CAPN8: variants seen among roughly 807,000 people sequenced by gnomAD.
CAPN8 encodes the protein calpain-8.
A neutral mutation model predicts 80.9 loss-of-function variants in CAPN8; 87 were observed. The ratio of observed to expected loss-of-function variants is 1.07; its 90% CI spans 0.90 to 1.28. The LOEUF is 1.28. Among genes scored for constraint, CAPN8 ranks in the 50% most tolerant of loss-of-function variants. CAPN8 has a pLI of 0.00. For missense variants in CAPN8, 757 were observed against 702.0 expected, an observed-to-expected ratio of 1.08 and a Z score of -0.89; for synonymous variants, 299 against 273.8, an observed-to-expected ratio of 1.09 and a Z score of -0.91.
intron 2 of CAPN8, among the ~76,000 whole-genome samples, chr1:223,635,487 T>A (rs1343429899): frequency 6.6e-6 from 1 of 152,260 alleles, no homozygotes; most frequent in Non-Finnish European, 1.5e-5. Context: ...CTGGCTAGAC[T>A]TGGAAGCTGC....
chr1:223,614,110 T>G (rs181386096), intron 10 of CAPN8, among the ~76,000 whole-genome samples: 1 of 152,322 alleles, frequency 6.6e-6, no homozygotes, highest in African/African-American at 2.4e-5. Context: ...TTATATAAGG[T>G]AGGCCTGGCT....
intron 7 of CAPN8, among the ~76,000 whole-genome samples, chr1:223,620,635 G>A (rs912177287): frequency 6.6e-6 from 1 of 152,126 alleles, no homozygotes. Context: ...TCTCGTCACT[G>A]GAAAGGCAGG....
intron 5 of CAPN8, 36 bp downstream of exon 5, chr1:223,626,953 G>A: frequency 1.3e-6 from 2 of 1,541,704 alleles, no homozygotes; most frequent in Non-Finnish European, 1.8e-6. Flanking sequence ...GTGGCGGTGG[G>A]GGGAGGTGGG....
intron 13 of CAPN8, among the ~76,000 whole-genome samples, chr1:223,555,582 T>C (rs1409463994): frequency 6.6e-6 from 1 of 152,234 alleles, no homozygotes; most frequent in Non-Finnish European, 1.5e-5. Context: ...TAATACAGTA[T>C]GCCAAAATCT....
At chr1:223,653,268 T>A (rs1258889015) in intron 2 of CAPN8, among the ~76,000 whole-genome samples, 5 of 151,388 alleles carry the variant, frequency 3.3e-5, no homozygotes, top group Non-Finnish European at 7.4e-5. Context: ...TCCCGCTGCT[T>A]GATCGTCACG....
At chr1:223,552,638 C>G in intron 14 of CAPN8, among the ~76,000 whole-genome samples, 1 of 151,670 alleles carries the variant, frequency 6.6e-6, no homozygotes, top group East Asian at 1.9e-4. Context: ...CATTAGCCTG[C>G]CAGGAAAGAA....
intron 1 of CAPN8, among the ~76,000 whole-genome samples, chr1:223,658,831 C>A (rs1658563906): frequency 6.6e-6 from 1 of 151,904 alleles, no homozygotes. Flanking sequence ...AAAGAAAATC[C>A]CCAGCTTTGC....
chr1:223,627,036 T>C lies in CAPN8; in HGVS notation c.682A>G (p.Ile228Val). 6.4e-7 allele frequency: 1 copy of C among 1,551,982 alleles called. No homozygotes were observed. Among genetic ancestry groups the C allele is most frequent in the Non-Finnish European group, 8.7e-7 (1 of 1,147,052 alleles). Residue 228 changes from isoleucine to valine, a missense_variant, in exon 5 of 21, where the codon ATC becomes GTC. Ile to Val is a conservative substitution (Grantham distance 29). Transcript: ENST00000366872. ...GACCCCGCACAGAGGGCCTTCCGGA[T>C]GATCTGATATAGATTGGCTGGTGGT... ...KKPPANLYQI[I>V]RKALCAGSLL...
rs750494639 is a variant in CAPN8, at chr1:223,551,020, A to G, written c.1642-3T>C. 1.4e-6 allele frequency: 1 copy of G among 718,092 alleles called. No individual in the cohort carries two copies. The highest frequency in any genetic ancestry group is 1.5e-5 in the South Asian group (1 of 67,524). The allele number at this position is 718,092 out of a possible 1,614,324, so 44.5% of individuals were successfully genotyped here. A position where few individuals can be genotyped will look rare whatever the true frequency, so the allele number is the denominator to read the frequency against. On this transcript the variant is annotated splice_polypyrimidine_tract_variant and splice_region_variant and intron_variant, in intron 14 of 20. Transcript: ENST00000366872. ...GCATTGGCAGTAATCTCAGAATCCT[A>G]GAAAGAGGAACCCAAATGCAAATCA...
rs1373867309 is a variant in CAPN8, at chr1:223,656,683, T to TG, written c.238-2285_238-2284insC. Among the ~76,000 whole-genome samples, 72 of 100,492 alleles carry TG rather than the reference T, an allele frequency of 7.2e-4. 1 individual carries two copies. Among genetic ancestry groups the TG allele is most frequent in the Admixed American group, 1.7e-3 (16 of 9,482 alleles). 65.9% of individuals were successfully genotyped at this position (100,492 alleles called of 152,430 possible). A position where few individuals can be genotyped will look rare whatever the true frequency, so the allele number is the denominator to read the frequency against. ...CACGTTTTGGGTTTTTTTGTTTTGT[T>TG]TTTTTTTTTTTTTTTTTTGAGACGG... is the stretch of plus-strand genomic sequence containing the variant. On this transcript the variant is annotated intron_variant, in intron 1 of 20. Coordinates refer to ENST00000366872, the MANE Select transcript of CAPN8 (RefSeq NM_001143962.2).
intron 2 of CAPN8, chr1:223,642,648 G>T: frequency 2.6e-6 from 1 of 379,068 alleles, no homozygotes; most frequent in Non-Finnish European, 5.1e-6. Context: ...AAGGCTGACG[G>T]GTCATCTTTG....
At position 223,618,269 on chromosome 1, in the gene CAPN8, A is replaced by G. The variant is rs781057755; in HGVS notation, c.1135+1024T>C. On this transcript the variant is annotated intron_variant, in intron 9 of 20. Coordinates refer to ENST00000366872, the MANE Select transcript of CAPN8 (RefSeq NM_001143962.2). The stretch of plus-strand genomic sequence containing the variant: ...ATCAGGTGCTGCCTCAGCTGATTCA[A>G]CCTAGGAGGAGCCTACACAGGGACA... The G allele has an allele frequency of 3.2e-6, 5 of 1,550,396 alleles. No homozygotes were observed. The African/African-American group carries it at 6.8e-5, about 21-fold the overall frequency.
chr1:223,619,160 C>T, intron 9 of CAPN8, 133 bp downstream of exon 9: 1 of 1,099,910 alleles, frequency 9.1e-7, no homozygotes, highest in Non-Finnish European at 1.3e-6. Flanking sequence ...TGCCACTACA[C>T]TCCAACCTGG....
intron 1 of CAPN8, among the ~76,000 whole-genome samples, chr1:223,662,463 A>G (rs1274003995): frequency 2.6e-5 from 4 of 152,158 alleles, no homozygotes; most frequent in Non-Finnish European, 4.4e-5. Context: ...AAAAAAAAAG[A>G]AAGAAAGAAA....
chr1:223,649,863 G>A (rs1337494646), intron 2 of CAPN8, among the ~76,000 whole-genome samples: 2 of 152,178 alleles, frequency 1.3e-5, no homozygotes, highest in African/African-American at 2.4e-5. Flanking sequence ...GTCTCATGGA[G>A]CACACAGTCA....
rs142208794 is a variant in CAPN8, at chr1:223,649,343, G to C, written c.307+4987C>G. 4.5e-3 allele frequency among the ~76,000 whole-genome samples: 680 copies of C among 152,320 alleles called. 9 individuals carry two copies. The highest frequency in any genetic ancestry group is 0.015 in the African/African-American group (630 of 41,556). ...ATGGCAGGTAGAGTTAGCAGTTACT[G>C]CTGAGCCTGTGAGAAACAGGCTTAC... On this transcript the variant is annotated intron_variant, in intron 2 of 20. Transcript: ENST00000366872.
chr1:223,556,497 C>G (rs1656908619), intron 13 of CAPN8, among the ~76,000 whole-genome samples: 1 of 152,156 alleles, frequency 6.6e-6, no homozygotes, highest in Non-Finnish European at 1.5e-5. Context: ...CCCAGTTCAT[C>G]AAAGATTCTA....
intron 8 of CAPN8, 90 bp downstream of exon 8, chr1:223,620,102 C>T: frequency 2.7e-6 from 3 of 1,113,676 alleles, no homozygotes; most frequent in South Asian, 2.7e-5. Flanking sequence ...ATGTCGCCTT[C>T]CTGGAAGACC....
At chr1:223,551,650 C>T (rs562558720) in intron 14 of CAPN8, among the ~76,000 whole-genome samples, 2 of 152,342 alleles carry the variant, frequency 1.3e-5, no homozygotes, top group South Asian at 2.1e-4. Context: ...TAGGATTGAA[C>T]CAGATGTGCC....
Sources: gnomAD v4.1 joint callset for allele counts (sites outside exome capture counted in the v4.1 genomes callset) on GRCh38, gnomAD v4.1.1 for gene constraint, MANE v1.5 for transcripts, NCBI Gene and HGNC (gene_info 2026-07-23, HGNC 2026-07-21) for gene names.